Variants in CEP57 observed in about 807,000 individuals in gnomAD.
The protein encoded by CEP57 is centrosomal protein 57, also known as centrosomal protein of 57 kDa.
CEP57 carries 40 observed loss-of-function variants against 68.0 expected under a neutral mutation model. The observed-to-expected ratio is 0.59, with a 90% CI of 0.46 to 0.77. The LOEUF is 0.77. Among genes scored for constraint, CEP57 ranks in the 30% least tolerant of loss-of-function variants. The pLI, the probability that CEP57 is intolerant of heterozygous loss-of-function variation, is 0.00. For synonymous variants in CEP57, 219 were observed against 198.7 expected, an observed-to-expected ratio of 1.10 and a Z score of -0.86; for missense variants, 606 against 580.7, an observed-to-expected ratio of 1.04 and a Z score of -0.45.
rs1313278296 is a variant in CEP57 at position 95,813,553 on chromosome 11, T to G, written c.468T>G (p.His156Gln). The G allele has an allele frequency of 6.2e-7, 1 of 1,613,276 alleles. No individual in the cohort carries two copies. Among genetic ancestry groups the G allele is most frequent in the Admixed American group, 1.7e-5 (1 of 60,030 alleles). ...AATACATGCGAAATATGATAAAGCA[T>G]GCCGAAATGGAGAGGACATCTGTCT... ...QLEYMRNMIK[H>Q]AEMERTSVLE... Residue 156 changes from histidine (H) to glutamine (Q), a missense_variant, in exon 4 of 11, where the codon CAT becomes CAG. His to Gln is a conservative substitution (Grantham distance 24). Transcript: ENST00000325542.
chr11:95,795,487 A>T, intron 1 of CEP57: 2 of 435,602 alleles, frequency 4.6e-6, no homozygotes, highest in Non-Finnish European at 7.8e-6. Context: ...TTCAATCTTA[A>T]TAGCTGTTAT....
chr11:95,827,551 A>G (rs1446603252), intron 8 of CEP57: 1 of 507,804 alleles, frequency 2.0e-6, no homozygotes. Flanking sequence ...AGGCTAGGAA[A>G]TGTAGGTTGC....
intron 1 of CEP57, among the ~76,000 whole-genome samples, chr11:95,798,467 C>T (rs948118317): frequency 6.6e-6 from 1 of 152,176 alleles, no homozygotes; most frequent in Middle Eastern, 3.4e-3. Context: ...TTGCTGTGGC[C>T]GTTTGAGGAA....
At chr11:95,793,929 C>G (rs1344521372) in intron 1 of CEP57, among the ~76,000 whole-genome samples, 1 of 152,104 alleles carries the variant, frequency 6.6e-6, no homozygotes, top group Non-Finnish European at 1.5e-5. Flanking sequence ...TCTCACAACC[C>G]TTGGAGATCT....
chr11:95,814,357 ATTTT>A (rs1170474932), intron 4 of CEP57, among the ~76,000 whole-genome samples: 1 of 109,918 alleles, frequency 9.1e-6, no homozygotes, highest in Admixed American at 9.6e-5. Flanking sequence ...CCTTGTGTGT[ATTTT>A]TTTTTTTTTT....
chr11:95,795,795 T>G (rs1467815658), intron 1 of CEP57, among the ~76,000 whole-genome samples: 1 of 152,230 alleles, frequency 6.6e-6, no homozygotes, highest in African/African-American at 2.4e-5. Context: ...CTGTACATCA[T>G]GTTCCTCCAC....
chr11:95,797,412 C>T (rs1349652847), intron 1 of CEP57, among the ~76,000 whole-genome samples: 2 of 152,084 alleles, frequency 1.3e-5, no homozygotes, highest in Non-Finnish European at 2.9e-5. Flanking sequence ...AAGTGATCCG[C>T]CCAGCTCGGC....
chr11:95,796,774 G>A (rs1464990458), intron 1 of CEP57, among the ~76,000 whole-genome samples: 1 of 152,180 alleles, frequency 6.6e-6, no homozygotes, highest in African/African-American at 2.4e-5. Context: ...AGTTCGCAGA[G>A]CATCTGCATT....
At chr11:95,790,845 C>T in intron 1 of CEP57, 102 bp downstream of exon 1, 2 of 1,390,398 alleles carry the variant, frequency 1.4e-6, no homozygotes, top group Admixed American at 1.9e-5. Context: ...TGACGCAATT[C>T]TGGAGGTCGG....
intron 6 of CEP57, 42 bp downstream of exon 6, chr11:95,818,946 C>T (rs375237035): frequency 3.4e-6 from 5 of 1,450,938 alleles, no homozygotes; most frequent in Non-Finnish European, 4.8e-6. Context: ...ATATTTCTTA[C>T]CGCTTTTTGT....
At chr11:95,821,781 G>T in intron 6 of CEP57, 90 bp from the exon 7 acceptor site, 1 of 877,082 alleles carries the variant, frequency 1.1e-6, no homozygotes, top group Non-Finnish European at 1.9e-6. Flanking sequence ...ACTACCATTG[G>T]TTTTTACAGG....
chr11:95,810,131 C>A (rs554655103), intron 2 of CEP57, among the ~76,000 whole-genome samples: 356 of 152,224 alleles, frequency 2.3e-3, no homozygotes, highest in Admixed American at 7.1e-3. Context: ...GCAGAAAAGG[C>A]CTTCAACAAA....
intron 1 of CEP57, among the ~76,000 whole-genome samples, chr11:95,797,164 C>A (rs372960231): frequency 4.8e-5 from 6 of 125,830 alleles, no homozygotes; most frequent in African/African-American, 1.8e-4. Context: ...CACCCCACCC[C>A]CCTCCCAACA....
At chr11:95,799,568 A>G (rs905354536) in intron 2 of CEP57, among the ~76,000 whole-genome samples, 180 bp downstream of exon 2, 11 of 152,308 alleles carry the variant, frequency 7.2e-5, no homozygotes, top group African/African-American at 2.6e-4. Context: ...GAACATCATC[A>G]TCCACCAAAT....
At chr11:95,791,171 C>G (rs954499883) in intron 1 of CEP57, among the ~76,000 whole-genome samples, 1 of 152,166 alleles carries the variant, frequency 6.6e-6, no homozygotes, top group African/African-American at 2.4e-5. Flanking sequence ...TCCGCCGTCT[C>G]TCGAGCGCTT....
chr11:95,790,707 G>T lies in CEP57; in HGVS notation c.9G>T (p.Ala3=), dbSNP rs1860989565. Residue 3 remains alanine, a synonymous_variant, in exon 1 of 11, where the codon GCG becomes GCT. Transcript: ENST00000325542. The part of the protein sequence containing the change: MA[A]ASVSAASGSH... ...CCTGGGCAGGCTGAAAGATGGCGGC[G>T]GCGTCTGTCTCTGCGGCTTCTGGTT... The T allele has an allele frequency of 1.2e-6, 2 of 1,614,096 alleles. No homozygotes were observed. Among genetic ancestry groups the T allele is most frequent in the East Asian group, 4.5e-5 (2 of 44,884 alleles).
At chr11:95,790,813 A>T in intron 1 of CEP57, 70 bp downstream of exon 1, 1 of 1,568,542 alleles carries the variant, frequency 6.4e-7, no homozygotes, top group Non-Finnish European at 8.7e-7. Flanking sequence ...CTCACGTTTC[A>T]GGGCGCTGTC....
intron 2 of CEP57, among the ~76,000 whole-genome samples, chr11:95,808,460 G>C (rs1310413411): frequency 1.3e-5 from 2 of 152,154 alleles, no homozygotes; most frequent in Non-Finnish European, 2.9e-5. Flanking sequence ...TCAGTGTGCT[G>C]TATTCAGTAG....
chr11:95,790,550 GT>G lies in CEP57; in HGVS notation c.-146del. 1 of 894,864 alleles carries G rather than the reference GT, an allele frequency of 1.1e-6. No individual in the cohort carries two copies. The highest frequency in any genetic ancestry group is 1.8e-6 in the Non-Finnish European group (1 of 568,502). 55.4% of individuals were successfully genotyped at this position (894,864 alleles called of 1,614,324 possible). A position where few individuals can be genotyped will look rare whatever the true frequency, so the allele number is the denominator to read the frequency against. On this transcript the variant is annotated 5_prime_UTR_variant, in exon 1 of 11. Coordinates refer to ENST00000325542, the MANE Select transcript of CEP57 (RefSeq NM_014679.5). The stretch of plus-strand genomic sequence containing the variant: ...GGCCCTGAGGGGGTGTGTTGCAGGG[GT>G]TTCCAAGCCCAGCACCAGCACCCTT...
Sources: gnomAD v4.1 joint callset for allele counts (sites outside exome capture counted in the v4.1 genomes callset) on GRCh38, gnomAD v4.1.1 for gene constraint, MANE v1.5 for transcripts, NCBI Gene and HGNC (gene_info 2026-07-23, HGNC 2026-07-21) for gene names.